RNGTT: variants seen among roughly 807,000 people sequenced by gnomAD.
RNGTT encodes mRNA-capping enzyme.
Under a neutral mutation model 79.3 loss-of-function variants are expected in RNGTT, and 33 were observed. That is an observed-to-expected ratio of 0.42 (90% confidence interval 0.32 to 0.56). RNGTT has a LOEUF of 0.56. Ranked by LOEUF, RNGTT falls within the 20% of genes least tolerant of loss-of-function variation. RNGTT has a pLI of 0.17. For missense variants in RNGTT, 497 were observed against 739.1 expected, an observed-to-expected ratio of 0.67 and a Z score of 3.80; for synonymous variants, 222 against 235.9, an observed-to-expected ratio of 0.94 and a Z score of 0.54.
chr6:88,698,778 A>T (rs975973), intron 13 of RNGTT, among the ~76,000 whole-genome samples: 1 of 152,000 alleles, frequency 6.6e-6, no homozygotes, highest in African/African-American at 2.4e-5. Flanking sequence ...TTCAACTAAA[A>T]GTTAAAAGTT....
At chr6:88,950,681 A>G (rs1785213063) in intron 1 of RNGTT, among the ~76,000 whole-genome samples, 1 of 152,030 alleles carries the variant, frequency 6.6e-6, no homozygotes, top group South Asian at 2.1e-4. Flanking sequence ...GGAGCCTGAA[A>G]GTTAGCCAGG....
chr6:88,910,478 C>G (rs1367334803), intron 4 of RNGTT, among the ~76,000 whole-genome samples: 1 of 152,108 alleles, frequency 6.6e-6, no homozygotes, highest in African/African-American at 2.4e-5. Flanking sequence ...ATGAACAAAG[C>G]CTCTGAGAAA....
chr6:88,837,528 T>A (rs373950655), intron 11 of RNGTT, among the ~76,000 whole-genome samples: 1 of 151,668 alleles, frequency 6.6e-6, no homozygotes, highest in Non-Finnish European at 1.5e-5. Flanking sequence ...TTACAACATA[T>A]CAAGATTATT....
intron 13 of RNGTT, among the ~76,000 whole-genome samples, chr6:88,706,950 G>A (rs549903583): frequency 6.6e-6 from 1 of 152,140 alleles, no homozygotes; most frequent in Non-Finnish European, 1.5e-5. Context: ...TAAAATACCT[G>A]TTGTTAATAT....
intron 12 of RNGTT, among the ~76,000 whole-genome samples, chr6:88,776,416 T>G (rs1778884702): frequency 6.6e-6 from 1 of 151,570 alleles, no homozygotes; most frequent in Non-Finnish European, 1.5e-5. Flanking sequence ...GCCTCCCAGG[T>G]TCAAGTGATT....
chr6:88,674,144 T>C lies in RNGTT; in HGVS notation c.1506+4209A>G, dbSNP rs115972185. Among the ~76,000 whole-genome samples, 684 of 152,360 alleles carry C rather than the reference T, an allele frequency of 4.5e-3. 2 individuals carry two copies. The highest frequency in any genetic ancestry group is 0.016 in the African/African-American group (647 of 41,592). On this transcript the variant is annotated intron_variant, in intron 14 of 15. Transcript: ENST00000369485. ...AGTCAAGAGGTTCCATAATTCAAGATCCTAATGATGAACTTTAGAGAACGT... is the reference window on the plus strand; with the variant it reads ...AGTCAAGAGGTTCCATAATTCAAGACCCTAATGATGAACTTTAGAGAACGT...
At chr6:88,884,862 C>T (rs1485123330) in intron 8 of RNGTT, among the ~76,000 whole-genome samples, 1 of 152,148 alleles carries the variant, frequency 6.6e-6, no homozygotes, top group Non-Finnish European at 1.5e-5. Flanking sequence ...GGATTTCTCA[C>T]AGTGGCTTTG....
rs557900749 is a variant in RNGTT at position 88,690,824 on chromosome 6, G to A, written c.1440-12405C>T. On this transcript the variant is annotated intron_variant, in intron 13 of 15. Coordinates refer to ENST00000369485, the MANE Select transcript of RNGTT (RefSeq NM_003800.5). ...ACATTATCTCCTAAGTTGAACATAT[G>A]ACTACTCTAGGATCTGGCAATTCCA... Among the ~76,000 whole-genome samples the A allele has an allele frequency of 5.8e-4, 89 of 152,260 alleles. 1 individual carries two copies. Among genetic ancestry groups the A allele is most frequent in the African/African-American group, 2.1e-3 (88 of 41,540 alleles).
At chr6:88,887,786 T>C (rs772198348) in intron 8 of RNGTT, among the ~76,000 whole-genome samples, 9 of 152,142 alleles carry the variant, frequency 5.9e-5, no homozygotes, top group Non-Finnish European at 1.2e-4. Context: ...GCCCAAAGCT[T>C]ACCATGATAC....
intron 6 of RNGTT, among the ~76,000 whole-genome samples, chr6:88,895,651 C>T (rs559438727): frequency 5.3e-5 from 8 of 152,276 alleles, no homozygotes; most frequent in South Asian, 2.1e-4. Context: ...GAGATGTGAT[C>T]TATAAAATAG....
chr6:88,946,417 A>G (rs1785011497), intron 1 of RNGTT, among the ~76,000 whole-genome samples: 1 of 151,618 alleles, frequency 6.6e-6, no homozygotes, highest in Non-Finnish European at 1.5e-5. Context: ...CTGAGACACA[A>G]TAATATTGAA....
rs1774948997 is a variant in RNGTT, at chr6:88,678,147, T to A, written c.1506+206A>T. ...GACTATAGGCACATGCCACTGAACT[T>A]GGCTAATGACAAAAAATTTTTCTTT... On this transcript the variant is annotated intron_variant, in intron 14 of 15. Coordinates refer to ENST00000369485, the MANE Select transcript of RNGTT (RefSeq NM_003800.5). 10 of 1,059,936 alleles carry A rather than the reference T, an allele frequency of 9.4e-6. No individual in the cohort carries two copies. The East Asian group carries it at 4.0e-4, about 42-fold the overall frequency. 65.7% of individuals were successfully genotyped at this position (1,059,936 alleles called of 1,614,324 possible).
At chr6:88,689,753 C>G (rs1775413509) in intron 13 of RNGTT, among the ~76,000 whole-genome samples, 1 of 151,338 alleles carries the variant, frequency 6.6e-6, no homozygotes, top group African/African-American at 2.4e-5. Flanking sequence ...AAAACCACCA[C>G]AGTAATAATT....
intron 8 of RNGTT, among the ~76,000 whole-genome samples, chr6:88,888,494 G>A (rs1782939515): frequency 6.6e-6 from 1 of 152,136 alleles, no homozygotes; most frequent in African/African-American, 2.4e-5. Context: ...CCACAGGGAA[G>A]GGTGCAGAAT....
At chr6:88,755,465 C>T (rs560206791) in intron 13 of RNGTT, among the ~76,000 whole-genome samples, 1 of 151,674 alleles carries the variant, frequency 6.6e-6, no homozygotes, top group Non-Finnish European at 1.5e-5. Flanking sequence ...AAACAAACAA[C>T]AACGACAAAA....
intron 10 of RNGTT, 118 bp downstream of exon 10, chr6:88,849,637 G>A (rs1781604499): frequency 1.2e-5 from 10 of 852,124 alleles, no homozygotes; most frequent in Non-Finnish European, 1.6e-5. Context: ...TTCCCAGTGA[G>A]TAACCTGAGT....
At chr6:88,756,365 C>T (rs564994452) in intron 13 of RNGTT, among the ~76,000 whole-genome samples, 6 of 152,038 alleles carry the variant, frequency 3.9e-5, no homozygotes, top group Admixed American at 1.3e-4. Context: ...CCCAGCTACT[C>T]GGGAGACTGA....
rs116468938 is a variant in RNGTT at position 88,626,106 on chromosome 6, T to C, written c.1507-11711A>G. Among the ~76,000 whole-genome samples, 1,107 of 152,124 alleles carry C rather than the reference T, an allele frequency of 7.3e-3. 7 individuals carry two copies. The highest frequency in any genetic ancestry group is 0.025 in the African/African-American group (1,024 of 41,556). On this transcript the variant is annotated intron_variant, in intron 14 of 15. Coordinates refer to ENST00000369485, the MANE Select transcript of RNGTT (RefSeq NM_003800.5). ...GGGAAACAGAGGCATAGAGGAGTTA[T>C]ATAATTTGATCAGGGGTTAATAGAC...
chr6:88,649,806 T>C (rs1773730186), intron 14 of RNGTT, among the ~76,000 whole-genome samples: 1 of 152,130 alleles, frequency 6.6e-6, no homozygotes, highest in Non-Finnish European at 1.5e-5. Flanking sequence ...AGGAAAGTGA[T>C]GTGGACCCAG....
Sources: allele counts gnomAD v4.1 joint callset (sites outside exome capture counted in the v4.1 genomes callset), GRCh38; gene constraint gnomAD v4.1.1; transcripts MANE v1.5; gene names NCBI Gene and HGNC (gene_info 2026-07-23, HGNC 2026-07-21).